Variants in CNTNAP2 observed in about 807,000 individuals in gnomAD.
CNTNAP2 encodes contactin associated protein 2.
CNTNAP2 carries 98 observed loss-of-function variants against 155.2 expected under a neutral mutation model. The ratio of observed to expected loss-of-function variants is 0.63; its 90% CI spans 0.54 to 0.75. The LOEUF is 0.75. CNTNAP2 is among the 30% of genes least tolerant of loss of function. CNTNAP2 has a pLI of 0.00. For missense variants in CNTNAP2, 1,727 were observed against 1,688.1 expected, an observed-to-expected ratio of 1.02 and a Z score of -0.40; for synonymous variants, 651 against 631.2, an observed-to-expected ratio of 1.03 and a Z score of -0.47.
chr7:146,854,860 G>A (rs1794946838), intron 3 of CNTNAP2, among the ~76,000 whole-genome samples: 2 of 152,022 alleles, frequency 1.3e-5, no homozygotes, highest in Admixed American at 6.6e-5. Context: ...TTTTGATTTT[G>A]TGTTTGTTAG....
intron 1 of CNTNAP2, among the ~76,000 whole-genome samples, chr7:146,260,027 G>A (rs1352105094): frequency 6.6e-6 from 1 of 152,194 alleles, no homozygotes; most frequent in Non-Finnish European, 1.5e-5. Flanking sequence ...TTGGTGCCCT[G>A]TGTCCCAGCC....
At chr7:146,203,994 T>C (rs1305944967) in intron 1 of CNTNAP2, among the ~76,000 whole-genome samples, 1 of 152,174 alleles carries the variant, frequency 6.6e-6, no homozygotes, top group Non-Finnish European at 1.5e-5. Context: ...CATATATGAC[T>C]TTTCAATTAT....
intron 1 of CNTNAP2, among the ~76,000 whole-genome samples, chr7:146,523,243 G>C (rs1348585013): frequency 6.6e-6 from 1 of 151,906 alleles, no homozygotes; most frequent in Non-Finnish European, 1.5e-5. Context: ...AAATTTAGAT[G>C]GCTAAACATT....
At chr7:147,722,564 A>G (rs1796580707) in intron 13 of CNTNAP2, among the ~76,000 whole-genome samples, 1 of 152,038 alleles carries the variant, frequency 6.6e-6, no homozygotes, top group African/African-American at 2.4e-5. Context: ...GTGATTATCC[A>G]TTTTGTGTTT....
At chr7:148,184,206 G>A (rs578247275) in intron 18 of CNTNAP2, among the ~76,000 whole-genome samples, 53 of 152,252 alleles carry the variant, frequency 3.5e-4, no homozygotes, top group African/African-American at 1.2e-3. Context: ...GGCTGAGGCA[G>A]GATTGCTTGA....
chr7:148,139,769 G>T (rs1805024078), intron 16 of CNTNAP2, among the ~76,000 whole-genome samples: 1 of 152,066 alleles, frequency 6.6e-6, no homozygotes, highest in Non-Finnish European at 1.5e-5. Flanking sequence ...TCAAACTCCT[G>T]ACCTCATAAG....
chr7:146,132,744 A>T (rs1010324702), intron 1 of CNTNAP2, among the ~76,000 whole-genome samples: 6 of 151,176 alleles, frequency 4.0e-5, no homozygotes, highest in Non-Finnish European at 7.4e-5. Context: ...ACATGAACTC[A>T]TCATTTTTTA....
chr7:146,250,903 G>A (rs187285805), intron 1 of CNTNAP2, among the ~76,000 whole-genome samples: 1 of 152,290 alleles, frequency 6.6e-6, no homozygotes, highest in South Asian at 2.1e-4. Context: ...CATGCATACT[G>A]TCTTTCAATA....
intron 1 of CNTNAP2, among the ~76,000 whole-genome samples, chr7:146,294,597 A>G (rs1229281729): frequency 6.6e-6 from 1 of 152,216 alleles, no homozygotes; most frequent in Admixed American, 6.5e-5. Context: ...TGAGATAATT[A>G]CTTTCACTTA....
At chr7:146,917,987 A>G (rs1796428332) in intron 3 of CNTNAP2, among the ~76,000 whole-genome samples, 1 of 152,176 alleles carries the variant, frequency 6.6e-6, no homozygotes, top group Non-Finnish European at 1.5e-5. Flanking sequence ...TTTCTCTGAT[A>G]GAATAATAGA....
chr7:146,443,645 C>T (rs993481936), intron 1 of CNTNAP2, among the ~76,000 whole-genome samples: 3 of 152,148 alleles, frequency 2.0e-5, no homozygotes, highest in Admixed American at 6.5e-5. Context: ...GGAAAATTAC[C>T]AAAACCCAAA....
chr7:147,880,377 C>T (rs1296502560), intron 13 of CNTNAP2, among the ~76,000 whole-genome samples: 1 of 152,130 alleles, frequency 6.6e-6, no homozygotes, highest in African/African-American at 2.4e-5. Flanking sequence ...ACAGTCATGA[C>T]TTTTATGTGC....
At chr7:148,101,141 G>A (rs1423488850) in intron 15 of CNTNAP2, among the ~76,000 whole-genome samples, 1 of 129,288 alleles carries the variant, frequency 7.7e-6, no homozygotes, top group Admixed American at 8.2e-5. Flanking sequence ...TGTGGGGTGG[G>A]GGGAGGGGGG....
At chr7:146,278,911 G>A (rs991884559) in intron 1 of CNTNAP2, among the ~76,000 whole-genome samples, 2 of 152,144 alleles carry the variant, frequency 1.3e-5, no homozygotes, top group African/African-American at 4.8e-5. Context: ...GTTTAGATGA[G>A]TATGTCGGAG....
chr7:146,437,933 G>A lies in CNTNAP2; in HGVS notation c.97+320960G>A, dbSNP rs551555265. Among the ~76,000 whole-genome samples, 101 of 151,120 alleles carry A rather than the reference G, an allele frequency of 6.7e-4. 6 individuals are homozygous for A. The highest frequency in any genetic ancestry group is 2.2e-3 in the African/African-American group (88 of 40,658). On this transcript the variant is annotated intron_variant, in intron 1 of 23. Coordinates refer to ENST00000361727, the MANE Select transcript of CNTNAP2 (RefSeq NM_014141.6). ...CTTTCTTACCGGAGTAAGGGAGGAAGCCCCATGTTGCAGATGGTACAACCA... is the reference window on the plus strand; with the variant it reads ...CTTTCTTACCGGAGTAAGGGAGGAAACCCCATGTTGCAGATGGTACAACCA...
chr7:147,995,513 C>T (rs1801786696), intron 15 of CNTNAP2, among the ~76,000 whole-genome samples: 1 of 149,550 alleles, frequency 6.7e-6, no homozygotes, highest in Non-Finnish European at 1.5e-5. Flanking sequence ...TTTGTCCTGC[C>T]TCTTCTAATT....
intron 4 of CNTNAP2, among the ~76,000 whole-genome samples, chr7:147,099,219 T>G (rs1800607511): frequency 6.6e-6 from 1 of 152,162 alleles, no homozygotes; most frequent in Non-Finnish European, 1.5e-5. Context: ...AGACGGATCA[T>G]GGTCCAGAAG....
chr7:147,354,563 G>T (rs961158113), intron 9 of CNTNAP2, among the ~76,000 whole-genome samples: 3 of 152,094 alleles, frequency 2.0e-5, no homozygotes, highest in Non-Finnish European at 4.4e-5. Flanking sequence ...TTGAAGCCAG[G>T]TAGTGTGATG....
At chr7:146,995,900 GCAT>G (rs1798299733) in intron 3 of CNTNAP2, among the ~76,000 whole-genome samples, 1 of 151,664 alleles carries the variant, frequency 6.6e-6, no homozygotes, top group Non-Finnish European at 1.5e-5. Context: ...CTATTTTTTT[GCAT>G]TTGTTGTCTG....
Sources: gnomAD v4.1 joint callset for allele counts (sites outside exome capture counted in the v4.1 genomes callset) on GRCh38, gnomAD v4.1.1 for gene constraint, MANE v1.5 for transcripts, NCBI Gene and HGNC (gene_info 2026-07-23, HGNC 2026-07-21) for gene names.